The following FRMD4B variants were observed in gnomAD, a reference collection of about 807,000 sequenced individuals.
The protein encoded by FRMD4B is FERM domain containing 4B.
A neutral mutation model predicts 141.5 loss-of-function variants in FRMD4B; 74 were observed. The ratio of observed to expected loss-of-function variants is 0.52; its 90% CI spans 0.43 to 0.63. The LOEUF (loss-of-function observed/expected upper bound fraction) is 0.63. Among genes scored for constraint, FRMD4B ranks in the 30% least tolerant of loss-of-function variants. The probability of loss-of-function intolerance (pLI) is 0.00; values close to 1 mark genes in which losing one functional copy is unlikely to be tolerated. For missense variants in FRMD4B, 1,366 were observed against 1,253.4 expected, an observed-to-expected ratio of 1.09 and a Z score of -1.36; for synonymous variants, 506 against 467.9, an observed-to-expected ratio of 1.08 and a Z score of -1.05.
chr3:69,335,192 C>A (rs1702502078), intron 1 of FRMD4B, among the ~76,000 whole-genome samples: 1 of 152,122 alleles, frequency 6.6e-6, no homozygotes, highest in South Asian at 2.1e-4. Flanking sequence ...ATAAATAAAG[C>A]AGCTAGGAAA....
chr3:69,379,645 A>G (rs1478973317), intron 1 of FRMD4B, among the ~76,000 whole-genome samples: 2 of 151,594 alleles, frequency 1.3e-5, no homozygotes, highest in Non-Finnish European at 1.5e-5. Flanking sequence ...TGATAGAATT[A>G]TGGACTTTTC....
chr3:69,354,904 A>C (rs764593901), intron 1 of FRMD4B, among the ~76,000 whole-genome samples: 2 of 152,198 alleles, frequency 1.3e-5, no homozygotes, highest in Non-Finnish European at 2.9e-5. Flanking sequence ...CAAAAAGTTT[A>C]ATACATATTT....
At chr3:69,469,982 A>G (rs1275610369) in intron 1 of FRMD4B, among the ~76,000 whole-genome samples, 6 of 152,200 alleles carry the variant, frequency 3.9e-5, no homozygotes, top group Admixed American at 1.3e-4. Flanking sequence ...TCTCTGTGGG[A>G]CAGAATCAGA....
chr3:69,481,016 T>G (rs1039424880), intron 1 of FRMD4B, among the ~76,000 whole-genome samples: 4 of 152,162 alleles, frequency 2.6e-5, no homozygotes, highest in Non-Finnish European at 5.9e-5. Context: ...CTCCGAGCCA[T>G]GTGCGGGATA....
chr3:69,180,246 C>CAAAA (rs71115658), intron 21 of FRMD4B, among the ~76,000 whole-genome samples: 156 of 100,872 alleles, frequency 1.5e-3, no homozygotes, highest in East Asian at 8.1e-3. Flanking sequence ...CTTGTTTCTA[C>CAAAA]AAAAAAAAAA....
chr3:69,340,512 T>TA (rs1702703763), intron 1 of FRMD4B, among the ~76,000 whole-genome samples: 1 of 152,204 alleles, frequency 6.6e-6, no homozygotes, highest in Admixed American at 6.5e-5. Context: ...CATGTTTTCA[T>TA]AGGAGACATC....
chr3:69,180,222 C>G (rs1363149537), intron 21 of FRMD4B, among the ~76,000 whole-genome samples: 1 of 142,890 alleles, frequency 7.0e-6, no homozygotes, highest in Non-Finnish European at 1.5e-5. Flanking sequence ...ATAGCAAGAC[C>G]CAACCTAAGC....
intron 1 of FRMD4B, among the ~76,000 whole-genome samples, chr3:69,339,853 C>T (rs769963577): frequency 2.0e-5 from 3 of 152,122 alleles, no homozygotes; most frequent in Non-Finnish European, 4.4e-5. Context: ...CATGCAAAGT[C>T]CCCTGAGAGG....
intron 1 of FRMD4B, among the ~76,000 whole-genome samples, chr3:69,324,348 C>T (rs1203224982): frequency 6.6e-6 from 1 of 152,226 alleles, no homozygotes; most frequent in Non-Finnish European, 1.5e-5. Context: ...ATTCACTTAA[C>T]CAATATGTGC....
chr3:69,244,816 C>T (rs1223664663), intron 7 of FRMD4B, among the ~76,000 whole-genome samples: 1 of 152,142 alleles, frequency 6.6e-6, no homozygotes, highest in African/African-American at 2.4e-5. Context: ...ACTGCTTGAA[C>T]CCAGGAGGTG....
At chr3:69,215,970 A>G (rs1369092302) in intron 11 of FRMD4B, among the ~76,000 whole-genome samples, 1 of 152,118 alleles carries the variant, frequency 6.6e-6, no homozygotes, top group African/African-American at 2.4e-5. Context: ...CCTGGCCAAC[A>G]TGGCAAAACC....
At chr3:69,290,501 T>C (rs1426448465) in intron 4 of FRMD4B, among the ~76,000 whole-genome samples, 1 of 152,200 alleles carries the variant, frequency 6.6e-6, no homozygotes, top group Non-Finnish European at 1.5e-5. Context: ...TACAAGTTTC[T>C]GTGCATTTCC....
At chr3:69,317,490 T>C (rs1314696224) in intron 1 of FRMD4B, among the ~76,000 whole-genome samples, 1 of 152,140 alleles carries the variant, frequency 6.6e-6, no homozygotes, top group Non-Finnish European at 1.5e-5. Flanking sequence ...CTAGCGCCTG[T>C]AATCCCAGCA....
chr3:69,498,204 C>T (rs1266523200), intron 1 of FRMD4B, among the ~76,000 whole-genome samples: 1 of 152,148 alleles, frequency 6.6e-6, no homozygotes, highest in African/African-American at 2.4e-5. Context: ...GAGGAGGACA[C>T]CAGAATCAAG....
intron 1 of FRMD4B, among the ~76,000 whole-genome samples, chr3:69,363,300 G>C (rs1703530203): frequency 1.4e-5 from 2 of 143,010 alleles, no homozygotes; most frequent in African/African-American, 5.4e-5. Context: ...GCCCGGGCTG[G>C]TCTTGAACTC....
chr3:69,265,287 T>A (rs1451306846), intron 5 of FRMD4B, among the ~76,000 whole-genome samples: 4,383 of 15,928 alleles, frequency 0.28, 1,141 homozygotes, highest in Non-Finnish European at 0.43. Flanking sequence ...TATATATATA[T>A]ATATATATAT....
At chr3:69,402,234 G>A (rs1252811929) in intron 2 of FRMD4B, among the ~76,000 whole-genome samples, 1 of 152,144 alleles carries the variant, frequency 6.6e-6, no homozygotes, top group African/African-American at 2.4e-5. Flanking sequence ...AGACCAAAGG[G>A]GATATCTACT....
chr3:69,329,604 T>C (rs1003042192), intron 1 of FRMD4B, among the ~76,000 whole-genome samples: 4 of 139,888 alleles, frequency 2.9e-5, no homozygotes, highest in African/African-American at 1.0e-4. Context: ...CTTGGCTCAC[T>C]GCAGCCTCTG....
intron 1 of FRMD4B, among the ~76,000 whole-genome samples, chr3:69,538,404 T>A (rs761043117): frequency 6.6e-6 from 1 of 152,214 alleles, no homozygotes; most frequent in Non-Finnish European, 1.5e-5. Context: ...GACACATGCA[T>A]CCTGTGGCAG....
Sources: allele counts gnomAD v4.1 joint callset (sites outside exome capture counted in the v4.1 genomes callset), GRCh38; gene constraint gnomAD v4.1.1; transcripts MANE v1.5; gene names NCBI Gene and HGNC (gene_info 2026-07-23, HGNC 2026-07-21).